The following IQSEC1 variants were observed in gnomAD, a reference collection of about 807,000 sequenced individuals.
The protein encoded by IQSEC1 is IQ motif and SEC7 domain-containing protein 1.
IQSEC1 carries 31 observed loss-of-function variants against 91.0 expected under a neutral mutation model. The ratio of observed to expected loss-of-function variants is 0.34; its 90% CI spans 0.26 to 0.46. The LOEUF (loss-of-function observed/expected upper bound fraction) is 0.46, where lower values mean the gene tolerates loss of function less well. Among genes scored for constraint, IQSEC1 ranks in the 20% least tolerant of loss-of-function variants. The pLI, the probability that IQSEC1 is intolerant of heterozygous loss-of-function variation, is 1.00. For synonymous variants in IQSEC1, 699 were observed against 662.6 expected (o/e 1.05, Z -0.84); for missense variants, 1,388 against 1,575.6 (o/e 0.88, Z 2.02).
At chr3:13,220,899 C>T (rs937541863) in intron 1 of IQSEC1, among the ~76,000 whole-genome samples, 1 of 152,248 alleles carries the variant, frequency 6.6e-6, no homozygotes, top group Admixed American at 6.5e-5. Flanking sequence ...CTATTGACAG[C>T]TACCAGCCAC....
rs1056453490 is a variant in IQSEC1 at position 13,069,874 on chromosome 3, T to A, written c.23+3118A>T. On this transcript the variant is annotated intron_variant, in intron 1 of 13. Coordinates refer to ENST00000613206, the MANE Select transcript of IQSEC1 (RefSeq NM_001134382.3). ...GACCTCAGGTGTTAGCAAGTTTGAT[T>A]CAGGGTCTGATTCTTGGAAGCCTCC... Among the ~76,000 whole-genome samples the A allele has an allele frequency of 5.3e-5, 8 of 152,344 alleles. 1 individual carries two copies. Among genetic ancestry groups the A allele is most frequent in the Admixed American group, 6.5e-5 (1 of 15,310 alleles).
At chr3:13,092,915 A>G (rs1327056562) in intron 2 of IQSEC1, among the ~76,000 whole-genome samples, 1 of 151,960 alleles carries the variant, frequency 6.6e-6, no homozygotes. Flanking sequence ...CTCTGCCGCG[A>G]GCACTCTTCC....
intron 1 of IQSEC1, among the ~76,000 whole-genome samples, chr3:13,281,796 G>A (rs1373926395): frequency 6.6e-6 from 1 of 152,236 alleles, no homozygotes; most frequent in African/African-American, 2.4e-5. Context: ...GTGATTTCTA[G>A]TCTTCCCCAG....
intron 1 of IQSEC1, among the ~76,000 whole-genome samples, chr3:13,271,484 GAAAGAGACAATT>G (rs965423255): frequency 2.2e-4 from 33 of 152,304 alleles, no homozygotes; most frequent in African/African-American, 7.9e-4. Flanking sequence ...AATTAAGGAA[GAAAGAGACAATT>G]AAAGAATAAT....
intron 1 of IQSEC1, among the ~76,000 whole-genome samples, chr3:13,039,125 C>T (rs780784999): frequency 1.3e-5 from 2 of 152,352 alleles, no homozygotes; most frequent in Admixed American, 6.5e-5. Context: ...ACCCTGAGGT[C>T]GGCTGGGCTC....
intron 2 of IQSEC1, among the ~76,000 whole-genome samples, chr3:13,107,342 G>A (rs1190784422): frequency 1.3e-5 from 2 of 152,216 alleles, no homozygotes; most frequent in East Asian, 1.9e-4. Context: ...TAAGGCAGCG[G>A]CCATTGCCAA....
intron 1 of IQSEC1, among the ~76,000 whole-genome samples, chr3:13,278,173 G>A (rs769358425): frequency 2.0e-5 from 3 of 152,082 alleles, no homozygotes; most frequent in South Asian, 2.1e-4. Flanking sequence ...TCAGAAAAAC[G>A]TCCTCTCCCA....
chr3:13,165,378 GC>G (rs1693467575), intron 1 of IQSEC1, among the ~76,000 whole-genome samples: 1 of 152,132 alleles, frequency 6.6e-6, no homozygotes, highest in South Asian at 2.1e-4. Flanking sequence ...GCCCCTGGTG[GC>G]TGAAGACCCT....
At chr3:13,037,134 A>T (rs1704065965) in intron 1 of IQSEC1, among the ~76,000 whole-genome samples, 1 of 152,090 alleles carries the variant, frequency 6.6e-6, no homozygotes, top group African/African-American at 2.4e-5. Flanking sequence ...TCTTTACATT[A>T]AAAAAACCAC....
chr3:13,204,299 G>A (rs1694300589), intron 1 of IQSEC1, among the ~76,000 whole-genome samples: 1 of 152,278 alleles, frequency 6.6e-6, no homozygotes, highest in Non-Finnish European at 1.5e-5. Flanking sequence ...GGATTCAAAT[G>A]AGCGCTGGTG....
chr3:13,223,385 A>G (rs1056748579), intron 1 of IQSEC1, among the ~76,000 whole-genome samples: 1 of 152,160 alleles, frequency 6.6e-6, no homozygotes, highest in African/African-American at 2.4e-5. Flanking sequence ...ACCTCCAGAG[A>G]TAGGAGCGCG....
intron 1 of IQSEC1, among the ~76,000 whole-genome samples, chr3:13,212,624 C>G (rs1397590526): frequency 1.3e-5 from 2 of 152,210 alleles, no homozygotes; most frequent in Non-Finnish European, 2.9e-5. Context: ...ATTTCACATT[C>G]TCACCCACAA....
Position 12,900,716 on chromosome 3 carries a change from G to A in IQSEC1, c.*267C>T, listed in dbSNP as rs961552815. The A allele has an allele frequency of 1.5e-5, 21 of 1,391,580 alleles. No individual in the cohort carries two copies. Among genetic ancestry groups the A allele is most frequent in the Middle Eastern group, 5.3e-4 (2 of 3,744 alleles). 86.2% of individuals were successfully genotyped at this position (1,391,580 alleles called of 1,614,324 possible). A position where few individuals can be genotyped will look rare whatever the true frequency, so the allele number is the denominator to read the frequency against. The stretch of plus-strand genomic sequence containing the variant: ...TTCAACACTACTTGGCTGGCTCACC[G>A]TTTCAAGGCTGATGGTGTCTGAGGC... On this transcript the variant is annotated 3_prime_UTR_variant, in exon 14 of 14. Coordinates refer to ENST00000613206, the MANE Select transcript of IQSEC1 (RefSeq NM_001134382.3).
intron 1 of IQSEC1, among the ~76,000 whole-genome samples, chr3:12,999,520 T>G (rs757676495): frequency 6.6e-6 from 1 of 152,180 alleles, no homozygotes; most frequent in Non-Finnish European, 1.5e-5. Context: ...AGTCCTGTGG[T>G]GTGGGGACAG....
intron 1 of IQSEC1, among the ~76,000 whole-genome samples, chr3:13,223,619 C>T (rs1343747084): frequency 6.6e-6 from 1 of 152,232 alleles, no homozygotes; most frequent in Non-Finnish European, 1.5e-5. Context: ...CGCCCACCTT[C>T]CCCATGCACC....
In IQSEC1 at chr3:12,904,581, T is replaced by G. The variant is rs75927185; in HGVS notation, c.2756-1759A>C. ...AAGTAGAGTCCAGCCTCCCAGGACA[T>G]GGCCTCCCTCCTCCACCCCCCTCTT... On this transcript the variant is annotated intron_variant, in intron 12 of 13. Coordinates refer to ENST00000613206, the MANE Select transcript of IQSEC1 (RefSeq NM_001134382.3). 7.1e-3 allele frequency among the ~76,000 whole-genome samples: 1,085 copies of G among 152,286 alleles called. 20 individuals carry two copies. The highest frequency in any genetic ancestry group is 0.025 in the African/African-American group (1,032 of 41,562).
intron 1 of IQSEC1, among the ~76,000 whole-genome samples, chr3:13,262,971 C>T (rs186104786): frequency 4.6e-5 from 7 of 152,120 alleles, no homozygotes; most frequent in East Asian, 1.9e-4. Flanking sequence ...GTGGTGAACA[C>T]GGTTGCACAA....
chr3:13,014,302 C>A (rs1044914310), intron 1 of IQSEC1, among the ~76,000 whole-genome samples: 2 of 152,208 alleles, frequency 1.3e-5, no homozygotes, highest in Admixed American at 1.3e-4. Context: ...CCTGCTTCAC[C>A]ATCTAAGCCT....
intron 9 of IQSEC1, among the ~76,000 whole-genome samples, chr3:12,912,670 C>CAAAAAAAAA (rs561314162): frequency 3.7e-5 from 2 of 54,026 alleles, no homozygotes; most frequent in Non-Finnish European, 7.4e-5. Context: ...GACTCCGTCT[C>CAAAAAAAAA]AAAAAAAAAA....
Sources: gnomAD v4.1 joint callset for allele counts (sites outside exome capture counted in the v4.1 genomes callset) on GRCh38, gnomAD v4.1.1 for gene constraint, MANE v1.5 for transcripts, NCBI Gene and HGNC (gene_info 2026-07-23, HGNC 2026-07-21) for gene names.